ASIC2: variants seen among roughly 807,000 people sequenced by gnomAD.
The protein encoded by ASIC2 is acid-sensing ion channel 2.
ASIC2 carries 25 observed loss-of-function variants against 57.3 expected under a neutral mutation model. The observed-to-expected ratio is 0.44, with a 90% CI of 0.32 to 0.61. The LOEUF (loss-of-function observed/expected upper bound fraction) is 0.61. Ranked by LOEUF, ASIC2 falls within the 20% of genes least tolerant of loss-of-function variation. The pLI is 0.06. For missense variants in ASIC2, 641 were observed against 738.1 expected (o/e 0.87, Z 1.52); for synonymous variants, 319 against 307.5 (o/e 1.04, Z -0.39).
intron 1 of ASIC2, among the ~76,000 whole-genome samples, chr17:33,464,372 G>A (rs886614742): frequency 7.2e-5 from 11 of 152,096 alleles, no homozygotes; most frequent in African/African-American, 2.7e-4. Context: ...GGCATTTGAG[G>A]AAGACATCAG....
rs760670984 is a variant in ASIC2, at chr17:33,291,881, C to G, written c.235G>C (p.Ala79Pro). ...GCCCGCCGCTGGAAGGAGCCCCCAG[C>G]CGCCGTGCGCCCGGCACACATGTGC... ...LRHMCAGRTA[A>P]GGSFQRRALW... The change falls in exon 1 of 10, where the codon GCT (alanine) becomes CCT (proline). Residue 79 changes from alanine (A) to proline (P), a missense_variant. Coordinates refer to ENST00000225823, the MANE Select transcript of ASIC2 (RefSeq NM_183377.2). 8.7e-6 allele frequency: 14 copies of G among 1,605,826 alleles called. No homozygotes were observed. The Admixed American group carries it at 1.3e-4, about 15-fold the overall frequency.
chr17:33,577,845 C>G (rs920524818), intron 1 of ASIC2, among the ~76,000 whole-genome samples: 2 of 152,180 alleles, frequency 1.3e-5, no homozygotes, highest in African/African-American at 4.8e-5. Flanking sequence ...CTGCCTAGGG[C>G]CTCTCCAAAG....
At position 33,475,491 on chromosome 17, in the gene ASIC2, C is replaced by T. The variant is rs556147335; in HGVS notation, c.556-363424G>A. On this transcript the variant is annotated intron_variant, in intron 1 of 9. Transcript: ENST00000359872. ...TTATAAATATCCTTTTAAAATCTTGCTTTTTGCACTCAACGTTATGTGAAT... is the reference window on the plus strand; with the variant it reads ...TTATAAATATCCTTTTAAAATCTTGTTTTTTGCACTCAACGTTATGTGAAT... Among the ~76,000 whole-genome samples, 406 of 152,142 alleles carry T rather than the reference C, an allele frequency of 2.7e-3. 4 individuals carry two copies. The highest frequency in any genetic ancestry group is 4.4e-3 in the Non-Finnish European group (302 of 67,988).
At chr17:33,682,058 A>ATTTTTTT (rs1476727085) in intron 1 of ASIC2, among the ~76,000 whole-genome samples, 1 of 92,226 alleles carries the variant, frequency 1.1e-5, no homozygotes, top group Admixed American at 9.9e-5. Flanking sequence ...CATCAGTGAC[A>ATTTTTTT]TCTTTTTTTT....
intron 1 of ASIC2, among the ~76,000 whole-genome samples, chr17:33,380,435 G>A (rs945671808): frequency 4.6e-5 from 7 of 152,134 alleles, no homozygotes; most frequent in African/African-American, 1.7e-4. Flanking sequence ...TATCTTTGAT[G>A]TAGAAAGTGT....
chr17:33,386,823 T>C (rs977538514), intron 1 of ASIC2, among the ~76,000 whole-genome samples: 1 of 152,218 alleles, frequency 6.6e-6, no homozygotes, highest in Non-Finnish European at 1.5e-5. Context: ...TCTTTTATTT[T>C]AGTTCCTCCA....
At position 33,342,820 on chromosome 17, in the gene ASIC2, G is replaced by A. The variant is rs557816575; in HGVS notation, c.556-230753C>T. On this transcript the variant is annotated intron_variant, in intron 1 of 9. Coordinates refer to the ASIC2 transcript ENST00000359872. ...CACCTCCTCATTCATTCCAGATTGA[G>A]TTTGCCTTGGTGGTTAATCCCCATG... Among the ~76,000 whole-genome samples the A allele has an allele frequency of 8.2e-4, 125 of 152,244 alleles. 2 individuals carry two copies. The highest frequency in any genetic ancestry group is 3.4e-3 in the Middle Eastern group (1 of 294).
chr17:33,353,348 T>C (rs1041874275), intron 1 of ASIC2, among the ~76,000 whole-genome samples: 1 of 152,142 alleles, frequency 6.6e-6, no homozygotes, highest in African/African-American at 2.4e-5. Context: ...CTTTTTTGTT[T>C]GTTTTTGAGA....
chr17:33,645,206 C>A (rs1389278981), intron 1 of ASIC2, among the ~76,000 whole-genome samples: 3 of 152,076 alleles, frequency 2.0e-5, no homozygotes, highest in Non-Finnish European at 1.5e-5. Context: ...TAATGTAATG[C>A]CGTAAATAAA....
intron 1 of ASIC2, among the ~76,000 whole-genome samples, chr17:33,509,902 A>T (rs1195719181): frequency 3.9e-5 from 6 of 152,182 alleles, no homozygotes; most frequent in Admixed American, 2.6e-4. Context: ...ATCTTGTTTT[A>T]ATTTCTGGAT....
chr17:33,079,114 G>A (rs576919356), intron 3 of ASIC2, among the ~76,000 whole-genome samples: 18 of 152,140 alleles, frequency 1.2e-4, no homozygotes, highest in East Asian at 3.9e-4. Context: ...TTATTTATTC[G>A]TTCATTTCAT....
At chr17:33,478,632 T>C (rs1913305079) in intron 1 of ASIC2, among the ~76,000 whole-genome samples, 1 of 152,122 alleles carries the variant, frequency 6.6e-6, no homozygotes, top group South Asian at 2.1e-4. Flanking sequence ...AATGATTCCA[T>C]GGGAGCCGTT....
At chr17:33,105,605 G>T (rs764221679) in intron 2 of ASIC2, among the ~76,000 whole-genome samples, 1 of 152,208 alleles carries the variant, frequency 6.6e-6, no homozygotes, top group Non-Finnish European at 1.5e-5. Flanking sequence ...GGCAGCAGTT[G>T]GACAAGTTTG....
At chr17:33,914,762 C>A (rs1291607008) in intron 1 of ASIC2, among the ~76,000 whole-genome samples, 1 of 152,190 alleles carries the variant, frequency 6.6e-6, no homozygotes, top group Non-Finnish European at 1.5e-5. Flanking sequence ...CCTCAAGATG[C>A]CTTCCATTGC....
At chr17:33,517,437 C>G (rs1011210862) in intron 1 of ASIC2, among the ~76,000 whole-genome samples, 2 of 152,188 alleles carry the variant, frequency 1.3e-5, no homozygotes, top group African/African-American at 4.8e-5. Flanking sequence ...ATTAAATTAC[C>G]CTACACCTTA....
chr17:33,887,701 C>CACCTCTCTAGGTGTCTCAGT (rs1914861593), intron 1 of ASIC2, among the ~76,000 whole-genome samples: 3 of 152,190 alleles, frequency 2.0e-5, no homozygotes, highest in African/African-American at 7.2e-5. Flanking sequence ...ACCGGGTCAG[C>CACCTCTCTAGGTGTCTCAGT]ACCTCTCTAG....
chr17:33,754,797 A>C (rs369967491), intron 1 of ASIC2, among the ~76,000 whole-genome samples: 34 of 152,048 alleles, frequency 2.2e-4, no homozygotes, highest in African/African-American at 7.7e-4. Flanking sequence ...TCTACTAAAA[A>C]TACAAAAAAA....
intron 1 of ASIC2, among the ~76,000 whole-genome samples, chr17:33,776,971 C>A (rs1480826294): frequency 4.6e-5 from 7 of 152,216 alleles, no homozygotes; most frequent in Admixed American, 3.3e-4. Flanking sequence ...CACCGTGTGA[C>A]CCTGTGTCTC....
At chr17:33,436,853 CTTTTTTTTTTTTTTTTTT>C (rs71144877) in intron 1 of ASIC2, among the ~76,000 whole-genome samples, 1 of 66,596 alleles carries the variant, frequency 1.5e-5, no homozygotes, top group Non-Finnish European at 3.0e-5. Flanking sequence ...ATTCCAACTT[CTTTTTTTTTTTTTTTTTT>C]TTTTTTTTTT....
Sources: allele counts gnomAD v4.1 joint callset (sites outside exome capture counted in the v4.1 genomes callset), GRCh38; gene constraint gnomAD v4.1.1; transcripts MANE v1.5; gene names NCBI Gene and HGNC (gene_info 2026-07-23, HGNC 2026-07-21).